The following DCC variants were observed in gnomAD, a reference collection of about 807,000 sequenced individuals.
DCC encodes DCC netrin 1 receptor.
In DCC, 58 loss-of-function variants were observed where a neutral mutation model predicts 172.5. That is an observed-to-expected ratio of 0.34 (90% CI 0.27 to 0.42). The LOEUF is 0.42. DCC is among the 10% of genes least tolerant of loss of function. The pLI is 1.00. For synonymous variants in DCC, 709 were observed against 644.5 expected (o/e 1.10, Z -1.52); for missense variants, 1,740 against 1,791.0 (o/e 0.97, Z 0.51).
chr18:53,038,238 T>G (rs1295356034), intron 5 of DCC, among the ~76,000 whole-genome samples: 2 of 152,034 alleles, frequency 1.3e-5, no homozygotes, highest in African/African-American at 4.8e-5. Flanking sequence ...GTTTGATATT[T>G]GATACCTTAG....
intron 1 of DCC, among the ~76,000 whole-genome samples, chr18:52,593,113 A>C (rs1444918726): frequency 2.0e-5 from 3 of 152,178 alleles, no homozygotes; most frequent in Non-Finnish European, 4.4e-5. Context: ...ACTAAGTTGT[A>C]TGTATTTACA....
intron 2 of DCC, among the ~76,000 whole-genome samples, chr18:52,767,752 G>A (rs112129828): frequency 4.7e-4 from 71 of 152,178 alleles, no homozygotes; most frequent in Non-Finnish European, 7.4e-4. Flanking sequence ...TTTAAAAGCC[G>A]TTTTTCTAGG....
At chr18:52,653,979 G>A (rs1011855496) in intron 1 of DCC, among the ~76,000 whole-genome samples, 12 of 152,052 alleles carry the variant, frequency 7.9e-5, no homozygotes, top group African/African-American at 2.9e-4. Flanking sequence ...TTAAAGAGAT[G>A]CATTTATGTT....
intron 5 of DCC, among the ~76,000 whole-genome samples, chr18:53,024,274 G>A (rs1158826644): frequency 6.6e-6 from 1 of 152,072 alleles, no homozygotes; most frequent in Non-Finnish European, 1.5e-5. Context: ...ATCAACATAG[G>A]GACAAAACTT....
rs934950192 is a variant in DCC, at chr18:52,514,327, T to C, written c.91+173449T>C. 5.3e-5 allele frequency among the ~76,000 whole-genome samples: 8 copies of C among 152,188 alleles called. No individual in the cohort carries two copies. In the South Asian group the frequency reaches 8.3e-4, roughly 16 times the overall value. On this transcript the variant is annotated intron_variant, in intron 1 of 28. Coordinates refer to ENST00000442544, the MANE Select transcript of DCC (RefSeq NM_005215.4). The stretch of plus-strand genomic sequence containing the variant: ...TGCTGCTTAGACATGGTTTTTTTTA[T>C]TGATATTTGAGGCCAGATAATGCTT...
intron 7 of DCC, among the ~76,000 whole-genome samples, chr18:53,145,452 T>C (rs1232037375): frequency 6.6e-6 from 1 of 152,166 alleles, no homozygotes; most frequent in Non-Finnish European, 1.5e-5. Context: ...TGCCCTAAAA[T>C]GGGCTGAAGG....
Position 52,906,067 on chromosome 18 carries a change from A to G in DCC, c.436A>G (p.Thr146Ala). The G allele has an allele frequency of 4.3e-6, 7 of 1,612,780 alleles. No homozygotes were observed. Among genetic ancestry groups the G allele is most frequent in the Non-Finnish European group, 5.9e-6 (7 of 1,178,776 alleles). The change falls in exon 3 of 29, where the codon ACA becomes GCA. Residue 146 changes from threonine (T) to alanine (A), a missense_variant. Physicochemically the swap from Thr to Ala is moderately conservative, Grantham distance 58 (BLOSUM62 0). Transcript: ENST00000442544. Reference protein sequence around the residue: ...VAGPLRFLSQTESVTAFMGDT... With the variant: ...VAGPLRFLSQAESVTAFMGDT... ...AGGACCACTGAGGTTCCTTTCACAG[A>G]CAGAATCTGTCACAGCCTTCATGGG...
intron 22 of DCC, among the ~76,000 whole-genome samples, chr18:53,442,510 C>T (rs185859846): frequency 6.6e-6 from 1 of 152,156 alleles, no homozygotes; most frequent in Non-Finnish European, 1.5e-5. Context: ...TCTCTCTCCC[C>T]CTTTTGGGGC....
chr18:52,672,217 C>G (rs932906305), intron 1 of DCC, among the ~76,000 whole-genome samples: 1 of 152,148 alleles, frequency 6.6e-6, no homozygotes, highest in Non-Finnish European at 1.5e-5. Context: ...TAGAATTGAC[C>G]TAAGCATATT....
intron 1 of DCC, among the ~76,000 whole-genome samples, chr18:52,500,617 G>C (rs947920955): frequency 6.6e-6 from 1 of 152,198 alleles, no homozygotes; most frequent in African/African-American, 2.4e-5. Context: ...GTCTTTCCGT[G>C]TAAAAACTTT....
chr18:53,450,470 C>T, intron 22 of DCC, 30 bp from the exon 23 acceptor site: 1 of 1,613,078 alleles, frequency 6.2e-7, no homozygotes, highest in Non-Finnish European at 8.5e-7. Flanking sequence ...TCTTCCTAAA[C>T]CTGAACTCCA....
rs979282430 is a variant in DCC, at chr18:53,267,098, ACACT to A, written c.1912-38478_1912-38475del. The stretch of plus-strand genomic sequence containing the variant: ...GTTTAACCTTTATATACACACACAC[ACACT>A]CTCTCTCTCACACACACACACACAC... On this transcript the variant is annotated intron_variant, in intron 12 of 28. Coordinates refer to ENST00000442544, the MANE Select transcript of DCC (RefSeq NM_005215.4). 3.8e-4 allele frequency among the ~76,000 whole-genome samples: 56 copies of A among 146,432 alleles called. No homozygotes were observed. The East Asian group carries it at 6.2e-3, about 16-fold the overall frequency.
intron 5 of DCC, among the ~76,000 whole-genome samples, chr18:53,008,510 T>C (rs1410881282): frequency 6.6e-6 from 1 of 152,072 alleles, no homozygotes; most frequent in African/African-American, 2.4e-5. Context: ...TAACGGGTTC[T>C]TGCAATGTAA....
chr18:52,474,731 A>G (rs1469190302), intron 1 of DCC, among the ~76,000 whole-genome samples: 1 of 152,206 alleles, frequency 6.6e-6, no homozygotes, highest in Non-Finnish European at 1.5e-5. Flanking sequence ...AACTTGTTAG[A>G]GACAGACCCA....
At chr18:53,319,600 G>A (rs577576742) in intron 13 of DCC, among the ~76,000 whole-genome samples, 18 of 152,332 alleles carry the variant, frequency 1.2e-4, no homozygotes, top group African/African-American at 4.1e-4. Context: ...GAGAAAGAAA[G>A]CCAGCAGGAA....
chr18:52,872,982 A>G (rs1428457244), intron 2 of DCC, among the ~76,000 whole-genome samples: 1 of 152,234 alleles, frequency 6.6e-6, no homozygotes, highest in Non-Finnish European at 1.5e-5. Context: ...CTTTTAGAAA[A>G]TATTTAAATT....
intron 5 of DCC, among the ~76,000 whole-genome samples, chr18:53,048,838 A>C (rs2042295747): frequency 6.6e-6 from 1 of 151,854 alleles, no homozygotes; most frequent in South Asian, 2.1e-4. Flanking sequence ...CAACCTCACC[A>C]GCACCTGTTA....
intron 1 of DCC, among the ~76,000 whole-genome samples, chr18:52,389,808 C>T (rs993488124): frequency 5.3e-5 from 8 of 152,106 alleles, no homozygotes; most frequent in South Asian, 4.1e-4. Context: ...ACAAGGACAG[C>T]GAGCCCCTTC....
At chr18:53,424,004 G>A (rs1005442477) in intron 21 of DCC, among the ~76,000 whole-genome samples, 1 of 152,118 alleles carries the variant, frequency 6.6e-6, no homozygotes, top group Non-Finnish European at 1.5e-5. Context: ...TGGGGGAGAC[G>A]AGAAGTTATG....
Sources: gnomAD v4.1 joint callset for allele counts (sites outside exome capture counted in the v4.1 genomes callset) on GRCh38, gnomAD v4.1.1 for gene constraint, MANE v1.5 for transcripts, NCBI Gene and HGNC (gene_info 2026-07-23, HGNC 2026-07-21) for gene names.